The following CCNT1 variants were observed in gnomAD, a reference collection of about 807,000 sequenced individuals.
The protein encoded by CCNT1 is cyclin-T1.
Under a neutral mutation model 67.3 loss-of-function variants are expected in CCNT1, and 18 were observed. The observed-to-expected ratio is 0.27, with a 90% CI of 0.18 to 0.40. The LOEUF is 0.40. CCNT1 is among the 10% of genes least tolerant of loss of function. CCNT1 has a pLI of 1.00. For missense variants in CCNT1, 744 were observed against 884.9 expected (o/e 0.84, Z 2.02); for synonymous variants, 333 against 310.3 (o/e 1.07, Z -0.77).
Position 48,699,944 on chromosome 12 carries a change from C to A in CCNT1, c.434-104G>T, listed in dbSNP as rs529560743. On this transcript the variant is annotated intron_variant, in intron 4 of 8. Transcript: ENST00000261900. ...GTAAATTACACCTTACTGGTTTCCA[C>A]ACTAAAATATTAATAGAAATTTATT... 14 of 648,720 alleles carry A rather than the reference C, an allele frequency of 2.2e-5. No homozygotes were observed. The East Asian group carries it at 3.3e-4, about 15-fold the overall frequency. The allele number at this position is 648,720 out of a possible 1,614,324, so 40.2% of individuals were successfully genotyped here. A position where few individuals can be genotyped will look rare whatever the true frequency, so the allele number is the denominator to read the frequency against.
chr12:48,695,931 C>T, intron 7 of CCNT1, 68 bp downstream of exon 7: 1 of 1,576,252 alleles, frequency 6.3e-7, no homozygotes, highest in Non-Finnish European at 8.7e-7. Flanking sequence ...TGAATCAAGT[C>T]ACCTTTGGCC....
chr12:48,709,526 A>C (rs978962206), intron 2 of CCNT1, among the ~76,000 whole-genome samples: 1 of 152,216 alleles, frequency 6.6e-6, no homozygotes, highest in Non-Finnish European at 1.5e-5. Flanking sequence ...CTAGAACAAC[A>C]ACCCAAATAG....
At chr12:48,712,436 T>C (rs1324169319) in intron 2 of CCNT1, among the ~76,000 whole-genome samples, 1 of 151,340 alleles carries the variant, frequency 6.6e-6, no homozygotes, top group Non-Finnish European at 1.5e-5. Flanking sequence ...ACTCCACGCC[T>C]GGCTAATTTT....
chr12:48,695,957 C>T, intron 7 of CCNT1, 42 bp downstream of exon 7: 2 of 1,608,202 alleles, frequency 1.2e-6, no homozygotes, highest in South Asian at 2.2e-5. Flanking sequence ...TGTGACAGAT[C>T]AACAGCAAGT....
rs1307425246 is a variant in CCNT1, at chr12:48,700,224, C to T, written c.434-384G>A. Among the ~76,000 whole-genome samples the T allele has an allele frequency of 3.4e-5, 5 of 149,200 alleles. No individual in the cohort carries two copies. In the South Asian group the frequency reaches 1.0e-3, roughly 31 times the overall value. On this transcript the variant is annotated intron_variant, in intron 4 of 8. Coordinates refer to ENST00000261900, the MANE Select transcript of CCNT1 (RefSeq NM_001240.4). ...GTCCCAGCTACTCTGGAGGCTGAGG[C>T]AGGAGAATGGCGTGCACCCAGGAGG...
intron 3 of CCNT1, 76 bp from the exon 4 acceptor site, chr12:48,701,149 C>G (rs1940259425): frequency 1.3e-6 from 1 of 759,536 alleles, no homozygotes; most frequent in East Asian, 2.8e-5. Context: ...ACAATCCCTT[C>G]CAGGGAAACC....
intron 2 of CCNT1, among the ~76,000 whole-genome samples, chr12:48,713,722 T>G (rs1297728323): frequency 6.6e-6 from 1 of 152,302 alleles, no homozygotes; most frequent in East Asian, 1.9e-4. Flanking sequence ...AGGTTAAGGC[T>G]GCAATGAGCC....
intron 1 of CCNT1, 119 bp downstream of exon 1, chr12:48,716,396 G>C (rs1454450800): frequency 7.5e-6 from 7 of 927,544 alleles, no homozygotes; most frequent in Admixed American, 2.5e-5. Flanking sequence ...CTCCCAACTA[G>C]ACATCCAGCT....
intron 4 of CCNT1, among the ~76,000 whole-genome samples, chr12:48,700,073 A>T (rs1197656218): frequency 6.6e-6 from 1 of 152,138 alleles, no homozygotes; most frequent in Admixed American, 6.5e-5. Flanking sequence ...TAATCCCAGC[A>T]CTTTGGGAGG....
chr12:48,697,993 A>G, intron 6 of CCNT1, 145 bp downstream of exon 6: 1 of 512,996 alleles, frequency 1.9e-6, no homozygotes, highest in Non-Finnish European at 3.4e-6. Flanking sequence ...AGAAAATTAA[A>G]AAGTACCATG....
chr12:48,701,217 CTTTTTTTTTT>C (rs539754445), intron 3 of CCNT1, 144 bp from the exon 4 acceptor site: 5 of 92,952 alleles, frequency 5.4e-5, no homozygotes, highest in South Asian at 2.5e-4. Flanking sequence ...GAAATACAAT[CTTTTTTTTTT>C]TTTTTTTTTT....
At chr12:48,716,079 C>T (rs2137248843) in intron 1 of CCNT1, among the ~76,000 whole-genome samples, 1 of 152,294 alleles carries the variant, frequency 6.6e-6, no homozygotes. Context: ...TAATTCTAGT[C>T]CACCCTTTAT....
At chr12:48,703,725 A>C (rs1408583247) in intron 3 of CCNT1, among the ~76,000 whole-genome samples, 1 of 152,142 alleles carries the variant, frequency 6.6e-6, no homozygotes, top group African/African-American at 2.4e-5. Flanking sequence ...ACTTGAGCTC[A>C]GGAGGTCGAG....
At chr12:48,707,599 A>C (rs754901151) in intron 2 of CCNT1, among the ~76,000 whole-genome samples, 2 of 152,152 alleles carry the variant, frequency 1.3e-5, no homozygotes, top group Non-Finnish European at 2.9e-5. Flanking sequence ...AACAAGAGTG[A>C]CACTAAAGAT....
chr12:48,706,474 C>T (rs934234386), intron 2 of CCNT1, among the ~76,000 whole-genome samples: 2 of 152,018 alleles, frequency 1.3e-5, no homozygotes, highest in Non-Finnish European at 2.9e-5. Context: ...TTATACATAT[C>T]GAACCTTTCA....
intron 3 of CCNT1, 88 bp from the exon 4 acceptor site, chr12:48,701,161 AAAC>A (rs1480133061): frequency 4.2e-5 from 28 of 665,382 alleles, no homozygotes; most frequent in South Asian, 6.9e-5. Context: ...AGGGAAACCA[AAAC>A]AATAAAAGGC....
In CCNT1 at chr12:48,690,993, T is replaced by C. The variant is rs982382639; in HGVS notation, c.*2040A>G. ...AGCCCTAAATGTACTAAACCACAACTATATATCTACCAATTATCTAACACA... is the reference window on the plus strand; with the variant it reads ...AGCCCTAAATGTACTAAACCACAACCATATATCTACCAATTATCTAACACA... On this transcript the variant is annotated 3_prime_UTR_variant, in exon 9 of 9. Transcript: ENST00000261900. 1.3e-5 allele frequency: 2 copies of C among 152,148 alleles called. No homozygotes were observed. Among genetic ancestry groups the C allele is most frequent in the African/African-American group, 4.8e-5 (2 of 41,416 alleles). 9.4% of individuals were successfully genotyped at this position (152,148 alleles called of 1,614,324 possible).
In CCNT1 at chr12:48,695,753, T is replaced by G; in HGVS notation, c.777+6A>C. 2.5e-6 allele frequency: 4 copies of G among 1,598,588 alleles called. No individual in the cohort carries two copies. The highest frequency in any genetic ancestry group is 1.1e-5 in the South Asian group (1 of 90,702). ...TGTTCCACAAGCTGACAGTAATGAT[T>G]CTTACCCTCCAATTCCAAATGCGTT... On this transcript the variant is annotated splice_donor_region_variant and intron_variant, in intron 8 of 8. Coordinates refer to ENST00000261900, the MANE Select transcript of CCNT1 (RefSeq NM_001240.4).
intron 7 of CCNT1, 29 bp from the exon 8 acceptor site, chr12:48,695,858 G>C (rs763859084): frequency 1.3e-6 from 2 of 1,566,928 alleles, no homozygotes; most frequent in African/African-American, 2.7e-5. Flanking sequence ...ATTCAAGAAA[G>C]ACTGAGAGAA....
Sources: allele counts gnomAD v4.1 joint callset (sites outside exome capture counted in the v4.1 genomes callset), GRCh38; gene constraint gnomAD v4.1.1; transcripts MANE v1.5; gene names NCBI Gene and HGNC (gene_info 2026-07-23, HGNC 2026-07-21).